DOCK8: variants seen among roughly 807,000 people sequenced by gnomAD.
DOCK8 encodes dedicator of cytokinesis protein 8.
In DOCK8, 141 loss-of-function variants were observed where a neutral mutation model predicts 245.6. That is an observed-to-expected ratio of 0.57 (90% CI 0.50 to 0.66). DOCK8 has a LOEUF of 0.66. Among genes scored for constraint, DOCK8 ranks in the 30% least tolerant of loss-of-function variants. DOCK8 has a pLI of 0.00. For synonymous variants in DOCK8, 1,168 were observed against 970.2 expected (o/e 1.20, Z -3.79); for missense variants, 2,965 against 2,603.4 (o/e 1.14, Z -3.02).
At chr9:418,764 GAA>G (rs1239910688) in intron 30 of DOCK8, among the ~76,000 whole-genome samples, 2 of 152,196 alleles carry the variant, frequency 1.3e-5, no homozygotes, top group African/African-American at 4.8e-5. Context: ...CAAGAAACCG[GAA>G]AAGAGGAAAA....
Position 215,011 on chromosome 9 carries a change from T to C in DOCK8, c.35T>C (p.Phe12Ser). 1 of 1,593,012 alleles carries C rather than the reference T, an allele frequency of 6.3e-7. No individual in the cohort carries two copies. Among genetic ancestry groups the C allele is most frequent in the Non-Finnish European group, 8.5e-7 (1 of 1,174,858 alleles). The change falls in exon 1 of 48, where the codon TTC becomes TCC. Residue 12 changes from phenylalanine to serine, a missense_variant. Physicochemically the swap from Phe to Ser is radical, Grantham distance 155. This residue lies in a region of DOCK8 where 2,825 missense variants were observed against 2,453.5 expected (regional missense o/e 1.15). Coordinates refer to ENST00000432829, the MANE Select transcript of DOCK8 (RefSeq NM_203447.4). Reference sequence around the variant, plus strand: ...CTGCCGAGCGCAGAGCGCCGCGCGTTCGCGCTCAAGATCAACAGGTAAGAC... The same window carrying C: ...CTGCCGAGCGCAGAGCGCCGCGCGTCCGCGCTCAAGATCAACAGGTAAGAC... ...ATLPSAERRAFALKINRYSSA... is the reference protein window; with the variant it reads ...ATLPSAERRASALKINRYSSA...
At chr9:361,671 A>G (rs929676787) in intron 14 of DOCK8, among the ~76,000 whole-genome samples, 1 of 152,228 alleles carries the variant, frequency 6.6e-6, no homozygotes, top group Admixed American at 6.5e-5. Flanking sequence ...TGCAAAATGC[A>G]GCCCACAAAA....
Position 242,758 on chromosome 9 carries a change from T to C in DOCK8, c.53+27729T>C, listed in dbSNP as rs145670711. ...TTGCCACCAACGAGTCAAAACTTAC[T>C]TGTTGCTGGAACATGGTTTCATCCT... On this transcript the variant is annotated intron_variant, in intron 1 of 47. Coordinates refer to ENST00000432829, the MANE Select transcript of DOCK8 (RefSeq NM_203447.4). Among the ~76,000 whole-genome samples the C allele has an allele frequency of 4.9e-3, 751 of 152,212 alleles. 6 individuals carry two copies. Among genetic ancestry groups the C allele is most frequent in the African/African-American group, 0.016 (676 of 41,528 alleles).
chr9:344,265 C>T (rs879809881), intron 14 of DOCK8, among the ~76,000 whole-genome samples: 3 of 152,132 alleles, frequency 2.0e-5, no homozygotes, highest in African/African-American at 4.8e-5. Context: ...ATTTTATAGT[C>T]TATTTAAGGA....
Position 400,760 on chromosome 9 carries a change from ACCACC to A in DOCK8, c.3234+1502_3234+1506del, listed in dbSNP as rs1245192170. Among the ~76,000 whole-genome samples the A allele has an allele frequency of 1.9e-4, 21 of 111,960 alleles. 2 individuals carry two copies. The highest frequency in any genetic ancestry group is 2.8e-4 in the Non-Finnish European group (15 of 54,508). 73.5% of individuals were successfully genotyped at this position (111,960 alleles called of 152,430 possible). On this transcript the variant is annotated intron_variant, in intron 26 of 47. Transcript: ENST00000432829. ...CACCACCAGCATCTTCACCATCACC[ACCACC>A]TCCACCACCACCACCACCTCCACCA...
intron 5 of DOCK8, among the ~76,000 whole-genome samples, chr9:308,903 G>A (rs796463321): frequency 2.2e-4 from 34 of 152,204 alleles, no homozygotes; most frequent in African/African-American, 8.2e-4. Context: ...ATGATCCCCC[G>A]GCCTTGGCCT....
chr9:307,620 A>G (rs2049907902), intron 5 of DOCK8, among the ~76,000 whole-genome samples: 1 of 151,954 alleles, frequency 6.6e-6, no homozygotes, highest in Admixed American at 6.6e-5. Context: ...GGCCTCCCAA[A>G]GTGCTGGGAT....
At chr9:222,664 T>C (rs112756280) in intron 1 of DOCK8, among the ~76,000 whole-genome samples, 116 of 152,370 alleles carry the variant, frequency 7.6e-4, no homozygotes, top group African/African-American at 2.6e-3. Context: ...AAAATAGTCA[T>C]GCATTTCTCC....
chr9:339,211 G>T, intron 13 of DOCK8, 112 bp downstream of exon 13: 1 of 935,688 alleles, frequency 1.1e-6, no homozygotes, highest in East Asian at 2.6e-5. Flanking sequence ...AGTGAAATGT[G>T]AGATTTTGTG....
At chr9:463,729 A>T in intron 47 of DOCK8, 42 bp downstream of exon 47, 1 of 1,611,434 alleles carries the variant, frequency 6.2e-7, no homozygotes, top group Non-Finnish European at 8.5e-7. Flanking sequence ...TGGGATAAAG[A>T]GCAGCGCATG....
chr9:278,889 A>C (rs901188704), intron 2 of DOCK8, among the ~76,000 whole-genome samples: 2 of 152,302 alleles, frequency 1.3e-5, no homozygotes, highest in Non-Finnish European at 2.9e-5. Context: ...TGCTGTGAGC[A>C]TTGAGGTTGG....
intron 46 of DOCK8, among the ~76,000 whole-genome samples, chr9:461,063 A>G (rs2057788329): frequency 6.6e-6 from 1 of 152,250 alleles, no homozygotes. Flanking sequence ...GCAAAACTTC[A>G]TCATGTTTAA....
chr9:384,370 C>T (rs1331234087), intron 22 of DOCK8, among the ~76,000 whole-genome samples: 2 of 152,140 alleles, frequency 1.3e-5, no homozygotes, highest in African/African-American at 4.8e-5. Context: ...ATATCATTTC[C>T]CCTGATAAAG....
intron 14 of DOCK8, 95 bp downstream of exon 14, chr9:340,416 T>C: frequency 6.6e-7 from 1 of 1,511,858 alleles, no homozygotes; most frequent in Non-Finnish European, 9.0e-7. Flanking sequence ...AGCTCAGGAG[T>C]TTGAGACCAG....
chr9:243,756 A>T (rs1006741604), intron 1 of DOCK8, among the ~76,000 whole-genome samples: 2 of 151,930 alleles, frequency 1.3e-5, no homozygotes, highest in African/African-American at 2.4e-5. Flanking sequence ...CTGATACCCA[A>T]ATGTGTTTCT....
intron 10 of DOCK8, among the ~76,000 whole-genome samples, chr9:333,542 A>G (rs771221536): frequency 6.6e-6 from 1 of 151,884 alleles, no homozygotes; most frequent in Non-Finnish European, 1.5e-5. Flanking sequence ...CGGAGGTTGC[A>G]GTGAGCCGAG....
At chr9:400,785 C>CACCACCACCTCCACCAT (rs2054939960) in intron 26 of DOCK8, among the ~76,000 whole-genome samples, 1 of 49,332 alleles carries the variant, frequency 2.0e-5, no homozygotes, top group East Asian at 5.3e-4. Flanking sequence ...ACCACCACCT[C>CACCACCACCTCCACCAT]CACCATCACC....
intron 26 of DOCK8, among the ~76,000 whole-genome samples, chr9:400,763 A>T (rs1299147505): frequency 5.7e-5 from 5 of 87,782 alleles, no homozygotes; most frequent in South Asian, 4.0e-4. Flanking sequence ...CATCACCACC[A>T]CCTCCACCAC....
chr9:225,182 G>A (rs2046964932), intron 1 of DOCK8, among the ~76,000 whole-genome samples: 1 of 152,120 alleles, frequency 6.6e-6, no homozygotes, highest in Non-Finnish European at 1.5e-5. Context: ...GTGAGTGGGT[G>A]ACTATAAATG....
Sources: allele counts gnomAD v4.1 joint callset (sites outside exome capture counted in the v4.1 genomes callset), GRCh38; gene constraint gnomAD v4.1.1; regional missense constraint gnomAD v4.1.1; transcripts MANE v1.5; gene names NCBI Gene and HGNC (gene_info 2026-07-23, HGNC 2026-07-21).